UBE4A: variants seen among roughly 807,000 people sequenced by gnomAD.
UBE4A encodes the protein ubiquitin conjugation factor E4 A.
UBE4A carries 48 observed loss-of-function variants against 117.9 expected under a neutral mutation model. The observed-to-expected ratio is 0.41, with a 90% CI of 0.32 to 0.52. UBE4A has a LOEUF of 0.52. UBE4A is among the 20% of genes least tolerant of loss of function. The pLI, the probability that UBE4A is intolerant of heterozygous loss-of-function variation, is 0.33. For synonymous variants in UBE4A, 407 were observed against 450.0 expected, an observed-to-expected ratio of 0.90 and a Z score of 1.21; for missense variants, 1,067 against 1,296.3, an observed-to-expected ratio of 0.82 and a Z score of 2.72.
rs1948875487 is a variant in UBE4A at position 118,396,536 on chromosome 11, C to CT, written c.*100dup. The CT allele has an allele frequency of 1.9e-6, 2 of 1,055,102 alleles. No individual in the cohort carries two copies. The highest frequency in any genetic ancestry group is 1.7e-5 in the African/African-American group (1 of 57,738). The allele number at this position is 1,055,102 out of a possible 1,614,324, so 65.4% of individuals were successfully genotyped here. ...TCTGGTTCTGTTCCTTTTCTTTCTT[C>CT]TTTTCTTTTTCTTTTTTTTTTTTTT... is the stretch of plus-strand genomic sequence containing the variant. On this transcript the variant is annotated 3_prime_UTR_variant, in exon 20 of 20. Transcript: ENST00000252108.
chr11:118,378,118 G>A (rs1000527310), intron 10 of UBE4A, among the ~76,000 whole-genome samples: 3 of 151,830 alleles, frequency 2.0e-5, no homozygotes, highest in African/African-American at 4.8e-5. Context: ...TTGGTGGTAC[G>A]CGCCTGTAGT....
intron 18 of UBE4A, among the ~76,000 whole-genome samples, 183 bp from the exon 19 acceptor site, chr11:118,392,555 T>C (rs1405396661): frequency 6.6e-6 from 1 of 152,232 alleles, no homozygotes; most frequent in Non-Finnish European, 1.5e-5. Flanking sequence ...CAATGCTTAA[T>C]TTGTTCTTAG....
At position 118,365,292 on chromosome 11, in the gene UBE4A, A is replaced by C. The variant is rs1374071108; in HGVS notation, c.121+91A>C. The stretch of plus-strand genomic sequence containing the variant: ...TCTTTGAGTCCTTAATTGCAATTGG[A>C]ATTTAAGTTTGGAACAAAAGTTGGT... On this transcript the variant is annotated intron_variant, in intron 2 of 19. Coordinates refer to ENST00000252108, the MANE Select transcript of UBE4A (RefSeq NM_001204077.2). 2.1e-6 allele frequency: 3 copies of C among 1,425,640 alleles called. No individual in the cohort carries two copies. In the African/African-American group the frequency reaches 4.4e-5, roughly 21 times the overall value. The allele number at this position is 1,425,640 out of a possible 1,614,324, so 88.3% of individuals were successfully genotyped here. A position where few individuals can be genotyped will look rare whatever the true frequency, so the allele number is the denominator to read the frequency against.
intron 10 of UBE4A, chr11:118,378,354 A>G (rs1948671923): frequency 6.6e-6 from 1 of 152,228 alleles, no homozygotes; most frequent in Non-Finnish European, 1.5e-5. Context: ...TAATGAGATC[A>G]ATAGGACCAC....
chr11:118,372,644 G>C lies in UBE4A; in HGVS notation c.699G>C (p.Met233Ile). 1 of 1,614,080 alleles carries C rather than the reference G, an allele frequency of 6.2e-7. No individual in the cohort carries two copies. Among genetic ancestry groups the C allele is most frequent in the Non-Finnish European group, 8.5e-7 (1 of 1,179,988 alleles). The change falls in exon 6 of 20, where the codon ATG (methionine) becomes ATC (isoleucine). Residue 233 changes from methionine (M) to isoleucine (I), a missense_variant. Physicochemically the swap from Met to Ile is conservative, Grantham distance 10. Around this residue, in one of 3 missense-constraint regions of UBE4A, gnomAD observed 1,001 missense variants for 1,184.0 expected, o/e 0.85. Transcript: ENST00000252108. ...QNIHEQLVDL[M>I]LEAIQGAHFE... ...TCCATGAGCAACTGGTAGATTTGAT[G>C]TTAGAAGCCATCCAGGGAGCCCGTG...
intron 1 of UBE4A, among the ~76,000 whole-genome samples, chr11:118,363,791 G>A (rs59376023): frequency 0.015 from 2,234 of 151,880 alleles, 64 homozygotes; most frequent in African/African-American, 0.051. Context: ...GCTAATTTTC[G>A]TGTTTTAGTA....
intron 1 of UBE4A, among the ~76,000 whole-genome samples, chr11:118,361,649 AGAT>A (rs1948522143): frequency 6.6e-6 from 1 of 152,240 alleles, no homozygotes; most frequent in African/African-American, 2.4e-5. Context: ...CAGATAGTAG[AGAT>A]GACAACAGAG....
intron 18 of UBE4A, among the ~76,000 whole-genome samples, chr11:118,391,546 G>A (rs2848450): frequency 6.6e-6 from 1 of 151,056 alleles, no homozygotes; most frequent in Non-Finnish European, 1.5e-5. Context: ...TGTAATCCTA[G>A]CACTTTGGGA....
At chr11:118,361,000 G>T (rs1410746538) in intron 1 of UBE4A, among the ~76,000 whole-genome samples, 1 of 141,534 alleles carries the variant, frequency 7.1e-6, no homozygotes, top group Non-Finnish European at 1.5e-5. Context: ...GTGTGTGTGT[G>T]TGTGTGTATT....
At chr11:118,359,940 C>T (rs1456585541) in intron 1 of UBE4A, among the ~76,000 whole-genome samples, 1 of 152,168 alleles carries the variant, frequency 6.6e-6, no homozygotes, top group Admixed American at 6.6e-5. Flanking sequence ...GGAGCGCTAT[C>T]ATTGCATTAT....
intron 2 of UBE4A, among the ~76,000 whole-genome samples, chr11:118,366,154 G>A (rs1441308584): frequency 4.6e-5 from 7 of 151,412 alleles, no homozygotes; most frequent in Non-Finnish European, 8.8e-5. Context: ...AGACAGATAA[G>A]TGATTGATGC....
At chr11:118,385,535 C>G (rs782724792) in intron 15 of UBE4A, among the ~76,000 whole-genome samples, 22 of 152,138 alleles carry the variant, frequency 1.4e-4, no homozygotes, top group Non-Finnish European at 1.5e-4. Flanking sequence ...CAGCTGGGTG[C>G]CTCTCAGCTC....
intron 1 of UBE4A, among the ~76,000 whole-genome samples, chr11:118,363,601 A>G (rs1948538692): frequency 6.8e-6 from 1 of 146,336 alleles, no homozygotes; most frequent in Non-Finnish European, 1.5e-5. Context: ...TTTCGACCAC[A>G]TTAGCTTTTT....
At chr11:118,388,668 G>A (rs1159898502) in intron 16 of UBE4A, among the ~76,000 whole-genome samples, 1 of 150,198 alleles carries the variant, frequency 6.7e-6, no homozygotes, top group Non-Finnish European at 1.5e-5. Context: ...AAAAAGAAGC[G>A]ATGAGTCTAC....
chr11:118,366,566 A>G (rs1320495379), intron 2 of UBE4A, among the ~76,000 whole-genome samples: 1 of 152,186 alleles, frequency 6.6e-6, no homozygotes, highest in Non-Finnish European at 1.5e-5. Context: ...TTATCATGCC[A>G]CCAGGTCCAA....
At chr11:118,395,920 C>G (rs11605689) in intron 19 of UBE4A, among the ~76,000 whole-genome samples, 1 of 151,880 alleles carries the variant, frequency 6.6e-6, no homozygotes, top group African/African-American at 2.4e-5. Flanking sequence ...ACTGAAAATA[C>G]AAAAATTAGC....
At chr11:118,371,718 C>A in intron 5 of UBE4A, 52 bp downstream of exon 5, 1 of 1,545,652 alleles carries the variant, frequency 6.5e-7, no homozygotes, top group Admixed American at 1.9e-5. Flanking sequence ...GGTATGACTT[C>A]AGCATGTGGG....
In UBE4A at chr11:118,399,062, C is replaced by G. The variant is rs1948901264; in HGVS notation, c.*2622C>G. ...TCTAACTGCTCAACAGGAAATGAAC[C>G]TAGAAACAGAAAATGAAAAGGTTGA... On this transcript the variant is annotated 3_prime_UTR_variant, in exon 20 of 20. Transcript: ENST00000252108. 2 of 456,396 alleles carry G rather than the reference C, an allele frequency of 4.4e-6. No homozygotes were observed. The highest frequency in any genetic ancestry group is 3.1e-5 in the South Asian group (2 of 64,532). The allele number at this position is 456,396 out of a possible 1,614,324, so 28.3% of individuals were successfully genotyped here.
chr11:118,375,145 C>A lies in UBE4A; in HGVS notation c.1366C>A (p.Arg456=). 4 of 1,614,140 alleles carry A rather than the reference C, an allele frequency of 2.5e-6. No individual in the cohort carries two copies. The highest frequency in any genetic ancestry group is 3.4e-6 in the Non-Finnish European group (4 of 1,180,014). ...GCCATTTTGCAAACCCAGATCCTCT[C>A]GGCTCCTCACCTTTAATCCCACATA... ...CQPFCKPRSS[R]LLTFNPTYCA... The change falls in exon 9 of 20, where the codon CGG becomes AGG. Residue 456 remains arginine, a synonymous_variant. Transcript: ENST00000252108.
Sources: gnomAD v4.1 joint callset for allele counts (sites outside exome capture counted in the v4.1 genomes callset) on GRCh38, gnomAD v4.1.1 for gene constraint, gnomAD v4.1.1 regional missense constraint, MANE v1.5 for transcripts, NCBI Gene and HGNC (gene_info 2026-07-23, HGNC 2026-07-21) for gene names.